Variants in SYNJ2 observed in about 807,000 individuals in gnomAD.
SYNJ2 encodes polyphosphatidylinositol phosphatase SYNJ2.
In SYNJ2, 116 loss-of-function variants were observed where a neutral mutation model predicts 141.3. The observed-to-expected ratio is 0.82, with a 90% CI of 0.71 to 0.96. The LOEUF (loss-of-function observed/expected upper bound fraction) is 0.96. Ranked by LOEUF, SYNJ2 falls within the 40% of genes least tolerant of loss-of-function variation. The probability of loss-of-function intolerance (pLI) is 0.00; values close to 1 mark genes in which losing one functional copy is unlikely to be tolerated. For synonymous variants in SYNJ2, 745 were observed against 777.7 expected, an observed-to-expected ratio of 0.96 and a Z score of 0.70; for missense variants, 1,873 against 1,934.8, an observed-to-expected ratio of 0.97 and a Z score of 0.60.
intron 5 of SYNJ2, among the ~76,000 whole-genome samples, chr6:158,049,166 G>C (rs2128350146): frequency 6.6e-6 from 1 of 152,300 alleles, no homozygotes; most frequent in Admixed American, 6.5e-5. Context: ...CCTAACCTCA[G>C]TCTCTGGTCT....
At chr6:157,997,036 C>CA (rs144074485) in intron 1 of SYNJ2, among the ~76,000 whole-genome samples, 4,168 of 145,862 alleles carry the variant, frequency 0.029, 213 homozygotes, top group African/African-American at 0.1. Flanking sequence ...CACCCCCCCC[C>CA]ACCCAGCTTC....
rs61748685 is a variant in SYNJ2 at position 158,089,841 on chromosome 6, C to A, written c.3459C>A (p.Pro1153=). 24,056 of 1,612,970 alleles carry A rather than the reference C, an allele frequency of 0.015. 225 individuals are homozygous for A. Among genetic ancestry groups the A allele is most frequent in the Non-Finnish European group, 0.017 (19,693 of 1,179,270 alleles). ...CTCTTCCTCATTCTGTCCTCAAGCC[C>A]AAGGCTCGGACTGGAATAAGTAAAC... The part of the protein sequence containing the change: ...RLLPGAPQQP[P]KARTGISKPY... Residue 1153 remains proline (P), a splice_region_variant and synonymous_variant, in exon 25 of 27, where the codon CCC becomes CCA. Transcript: ENST00000355585.
chr6:158,090,825 G>A (rs1258083742), intron 25 of SYNJ2, among the ~76,000 whole-genome samples: 3 of 151,442 alleles, frequency 2.0e-5, no homozygotes, highest in African/African-American at 7.3e-5. Context: ...GATTACAGGT[G>A]TGAGCCACCA....
chr6:158,062,776 C>A lies in SYNJ2; in HGVS notation c.1127+612C>A, dbSNP rs560482027. On this transcript the variant is annotated intron_variant, in intron 8 of 26. Transcript: ENST00000355585. Reference sequence around the variant, plus strand: ...TTGCTGGACAGAGTATTTAAATACTCTGGCCTCGTATTTAAACAAGTTTCC... The same window carrying A: ...TTGCTGGACAGAGTATTTAAATACTATGGCCTCGTATTTAAACAAGTTTCC... Among the ~76,000 whole-genome samples, 5 of 152,328 alleles carry A rather than the reference C, an allele frequency of 3.3e-5. No individual in the cohort carries two copies. In the East Asian group the frequency reaches 7.7e-4, roughly 24 times the overall value.
At chr6:158,050,380 C>T (rs1466544080) in intron 5 of SYNJ2, among the ~76,000 whole-genome samples, 1 of 152,242 alleles carries the variant, frequency 6.6e-6, no homozygotes, top group African/African-American at 2.4e-5. Flanking sequence ...CTGGTCTAGA[C>T]TTAACAGATC....
chr6:158,044,801 A>G (rs1032101375), intron 5 of SYNJ2, among the ~76,000 whole-genome samples: 7 of 152,056 alleles, frequency 4.6e-5, no homozygotes, highest in Non-Finnish European at 4.4e-5. Flanking sequence ...CTGTTCATCT[A>G]CTGTCTTTAT....
At chr6:158,066,813 C>A (rs374343568) in intron 12 of SYNJ2, 178 bp downstream of exon 12, 47 of 691,522 alleles carry the variant, frequency 6.8e-5, no homozygotes, top group Non-Finnish European at 7.7e-5. Context: ...AGTAACTGAC[C>A]TTTTTCCTTT....
intron 1 of SYNJ2, among the ~76,000 whole-genome samples, chr6:157,984,003 C>CT (rs1053394115): frequency 2.5e-4 from 38 of 150,958 alleles, no homozygotes; most frequent in African/African-American, 9.3e-4. Context: ...AATTTTTTCT[C>CT]TTTCTTTTCT....
intron 20 of SYNJ2, 31 bp downstream of exon 20, chr6:158,081,541 G>C: frequency 1.3e-6 from 2 of 1,594,794 alleles, no homozygotes; most frequent in Non-Finnish European, 1.7e-6. Flanking sequence ...CTGTGGAGTG[G>C]GGTCTGATCA....
chr6:157,985,655 T>C (rs1777171738), intron 1 of SYNJ2, among the ~76,000 whole-genome samples: 1 of 152,224 alleles, frequency 6.6e-6, no homozygotes, highest in Admixed American at 6.5e-5. Context: ...TAATGGATTT[T>C]GTGTATTTTC....
chr6:157,991,125 C>T (rs529906802), intron 1 of SYNJ2, among the ~76,000 whole-genome samples: 9 of 152,258 alleles, frequency 5.9e-5, no homozygotes, highest in South Asian at 2.1e-4. Context: ...AGCTTAACTG[C>T]GCAGTCTGAA....
At chr6:158,048,111 G>T (rs575319740) in intron 5 of SYNJ2, among the ~76,000 whole-genome samples, 1 of 152,280 alleles carries the variant, frequency 6.6e-6, no homozygotes, top group South Asian at 2.1e-4. Context: ...CGTCTGCCAG[G>T]TGTAGGGGGC....
At chr6:158,035,231 GT>G (rs1779577031) in intron 4 of SYNJ2, among the ~76,000 whole-genome samples, 1 of 152,162 alleles carries the variant, frequency 6.6e-6, no homozygotes, top group African/African-American at 2.4e-5. Flanking sequence ...GTCAATGGTA[GT>G]TTAATAGGAA....
chr6:158,095,113 C>T (rs973000634), intron 26 of SYNJ2, among the ~76,000 whole-genome samples: 1 of 150,948 alleles, frequency 6.6e-6, no homozygotes, highest in African/African-American at 2.4e-5. Flanking sequence ...TGCGCCATTG[C>T]ACTCCAGCCT....
At chr6:157,992,248 A>G (rs1440510564) in intron 1 of SYNJ2, among the ~76,000 whole-genome samples, 1 of 151,924 alleles carries the variant, frequency 6.6e-6, no homozygotes, top group Non-Finnish European at 1.5e-5. Flanking sequence ...CTCATTAACC[A>G]TCCCCACCTC....
At chr6:158,021,376 T>C (rs1209665489) in intron 2 of SYNJ2, among the ~76,000 whole-genome samples, 1 of 152,248 alleles carries the variant, frequency 6.6e-6, no homozygotes, top group Non-Finnish European at 1.5e-5. Flanking sequence ...CATCTCTATG[T>C]TGCCTAGTTC....
chr6:157,988,951 T>C (rs1777309439), intron 1 of SYNJ2, among the ~76,000 whole-genome samples: 1 of 152,104 alleles, frequency 6.6e-6, no homozygotes. Flanking sequence ...AGGGTACTGC[T>C]TCTTTTCGAG....
chr6:158,089,413 C>T (rs1308801992), intron 24 of SYNJ2, among the ~76,000 whole-genome samples: 1 of 151,930 alleles, frequency 6.6e-6, no homozygotes, highest in Non-Finnish European at 1.5e-5. Flanking sequence ...TGACTGGAGG[C>T]CAGTGTTTTA....
intron 13 of SYNJ2, 79 bp from the exon 14 acceptor site, chr6:158,069,454 G>C: frequency 6.5e-7 from 1 of 1,531,184 alleles, no homozygotes; most frequent in Non-Finnish European, 8.9e-7. Context: ...GAATAGGCTT[G>C]GGCTGGAGCA....
Sources: allele counts gnomAD v4.1 joint callset (sites outside exome capture counted in the v4.1 genomes callset), GRCh38; gene constraint gnomAD v4.1.1; transcripts MANE v1.5; gene names NCBI Gene and HGNC (gene_info 2026-07-23, HGNC 2026-07-21).